The following RNF144A variants were observed in gnomAD, a reference collection of about 807,000 sequenced individuals.
RNF144A encodes the protein E3 ubiquitin-protein ligase RNF144A.
A neutral mutation model predicts 38.7 loss-of-function variants in RNF144A; 11 were observed. The ratio of observed to expected loss-of-function variants is 0.28; its 90% CI spans 0.18 to 0.47. RNF144A has a LOEUF of 0.47. Ranked by LOEUF, RNF144A falls within the 20% of genes least tolerant of loss-of-function variation. The probability of loss-of-function intolerance (pLI) is 0.99; values close to 1 mark genes in which losing one functional copy is unlikely to be tolerated. For synonymous variants in RNF144A, 149 were observed against 143.9 expected (o/e 1.04, Z -0.25); for missense variants, 316 against 377.2 (o/e 0.84, Z 1.34).
chr2:7,046,225 C>A (rs1211374230), downstream of RNF144A, among the ~76,000 whole-genome samples: 1 of 152,196 alleles, frequency 6.6e-6, no homozygotes, highest in Non-Finnish European at 1.5e-5. Context: ...TCTGTCTATA[C>A]CAGTGAGCAA....
rs1383519808 is a variant in RNF144A at position 7,033,465 on chromosome 2, G to A, written c.747+3250G>A. ...GGGTCTTGGCAGCCGCATCTTCCCT[G>A]CTCCTCCAGGCTCACTCTGAACTTT... On this transcript the variant is annotated intron_variant, in intron 8 of 8. Coordinates refer to ENST00000320892, the MANE Select transcript of RNF144A (RefSeq NM_014746.6). 2.6e-5 allele frequency among the ~76,000 whole-genome samples: 4 copies of A among 152,232 alleles called. No homozygotes were observed. In the South Asian group the frequency reaches 8.3e-4, roughly 31 times the overall value.
Position 7,040,457 on chromosome 2 carries a change from C to T in RNF144A, c.*697C>T. The T allele has an allele frequency of 1.0e-6, 1 of 985,368 alleles. No individual in the cohort carries two copies. The highest frequency in any genetic ancestry group is 4.7e-5 in the South Asian group (1 of 21,288). 61.0% of individuals were successfully genotyped at this position (985,368 alleles called of 1,614,324 possible). Reference sequence around the variant, plus strand: ...CTGTGTACTGTTATAAGTGTGCTTCCTATATTGTTGCATTTCCTTGATAAT... The same window carrying T: ...CTGTGTACTGTTATAAGTGTGCTTCTTATATTGTTGCATTTCCTTGATAAT... On this transcript the variant is annotated 3_prime_UTR_variant, in exon 9 of 9. Transcript: ENST00000320892.
intron 3 of RNF144A, among the ~76,000 whole-genome samples, chr2:7,008,263 G>T (rs958152524): frequency 1.3e-5 from 2 of 152,344 alleles, no homozygotes; most frequent in Admixed American, 6.5e-5. Context: ...CGGGTGCGTG[G>T]TCACATGTGC....
At chr2:6,990,744 C>T (rs1669313758) in intron 2 of RNF144A, among the ~76,000 whole-genome samples, 1 of 152,120 alleles carries the variant, frequency 6.6e-6, no homozygotes, top group Non-Finnish European at 1.5e-5. Context: ...GTTGCACATT[C>T]TGTGGGCTTT....
At chr2:6,979,978 C>A (rs562078586) in intron 2 of RNF144A, among the ~76,000 whole-genome samples, 117 of 152,318 alleles carry the variant, frequency 7.7e-4, no homozygotes, top group Non-Finnish European at 1.1e-3. Context: ...CAGGCACCTT[C>A]TTCACAAGGC....
intron 8 of RNF144A, among the ~76,000 whole-genome samples, chr2:7,033,940 T>A (rs1672490263): frequency 6.6e-6 from 1 of 152,206 alleles, no homozygotes; most frequent in African/African-American, 2.4e-5. Context: ...ATGGTCCTCG[T>A]GCCTTCGGCG....
chr2:7,061,981 T>C (rs1673973533), intron 6 of RNF144A, among the ~76,000 whole-genome samples: 1 of 152,222 alleles, frequency 6.6e-6, no homozygotes, highest in African/African-American at 2.4e-5. Context: ...CAAAATCCAG[T>C]TGCTTAAAAC....
chr2:6,977,182 T>C (rs1668366030), intron 2 of RNF144A, among the ~76,000 whole-genome samples: 1 of 152,276 alleles, frequency 6.6e-6, no homozygotes, highest in African/African-American at 2.4e-5. Flanking sequence ...AAATGTTCAG[T>C]TGATTTTATA....
chr2:7,060,651 G>A (rs1243496413), intron 6 of RNF144A, among the ~76,000 whole-genome samples: 7 of 152,086 alleles, frequency 4.6e-5, no homozygotes, highest in Admixed American at 2.6e-4. Flanking sequence ...TAACCACATC[G>A]TTGTCACCCT....
downstream of RNF144A, among the ~76,000 whole-genome samples, chr2:7,047,681 C>A (rs904753889): frequency 2.6e-5 from 4 of 152,154 alleles, no homozygotes; most frequent in Non-Finnish European, 5.9e-5. Flanking sequence ...ACAAAAAAGC[C>A]TTACGCTTGA....
At chr2:7,011,590 C>G (rs1670809058) in intron 3 of RNF144A, among the ~76,000 whole-genome samples, 1 of 152,172 alleles carries the variant, frequency 6.6e-6, no homozygotes. Flanking sequence ...ATAGGTAATG[C>G]AATTCACGTA....
chr2:6,935,074 T>C (rs1665481724), intron 1 of RNF144A, among the ~76,000 whole-genome samples: 1 of 149,872 alleles, frequency 6.7e-6, no homozygotes. Flanking sequence ...CCTTGAGACA[T>C]ATGCCATCAG....
chr2:7,020,554 A>C lies in RNF144A; in HGVS notation c.383A>C (p.Gln128Pro). 6.2e-7 allele frequency: 1 copy of C among 1,613,472 alleles called. No individual in the cohort carries two copies. The part of the protein sequence containing the change: ...AVCQLQDVGL[Q>P]TPQPVQCKAC... ...TGTCAGCTCCAGGACGTGGGGCTGC[A>C]GACCCCCCAGCCAGTGCAGTGCAAA... The change falls in exon 6 of 9, where the codon CAG (glutamine) becomes CCG (proline). Residue 128 changes from glutamine to proline, a missense_variant. Coordinates refer to ENST00000320892, the MANE Select transcript of RNF144A (RefSeq NM_014746.6).
the RNF144A span, among the ~76,000 whole-genome samples, chr2:7,073,386 T>G: frequency 4.3e-4 from 65 of 151,208 alleles, no homozygotes; most frequent in Middle Eastern, 3.4e-3. Flanking sequence ...ATGTTCATAT[T>G]TGTATGAAGG....
intron 6 of RNF144A, among the ~76,000 whole-genome samples, chr2:7,054,541 A>G (rs971041666): frequency 6.6e-5 from 10 of 152,222 alleles, no homozygotes; most frequent in African/African-American, 2.2e-4. Flanking sequence ...CAAATCCCTC[A>G]TAGGTGCTAG....
At chr2:7,035,281 T>G (rs1672593474) in intron 8 of RNF144A, among the ~76,000 whole-genome samples, 1 of 152,228 alleles carries the variant, frequency 6.6e-6, no homozygotes, top group Admixed American at 6.5e-5. Context: ...CCACAGCACG[T>G]GCTGAGCAGC....
intron 7 of RNF144A, among the ~76,000 whole-genome samples, chr2:7,026,024 C>G (rs1242182155): frequency 2.0e-5 from 3 of 152,132 alleles, no homozygotes; most frequent in African/African-American, 7.2e-5. Flanking sequence ...GCTTGGCACA[C>G]AATGGCTGAG....
downstream of RNF144A, among the ~76,000 whole-genome samples, chr2:7,047,538 A>G (rs373594179): frequency 1.1e-4 from 16 of 152,328 alleles, no homozygotes; most frequent in African/African-American, 3.8e-4. Flanking sequence ...ATAGCGCAGG[A>G]AAGACCAGCA....
intron 2 of RNF144A, among the ~76,000 whole-genome samples, chr2:6,984,515 G>T (rs995464127): frequency 6.6e-6 from 1 of 152,060 alleles, no homozygotes; most frequent in Non-Finnish European, 1.5e-5. Context: ...TGTTGGCCAG[G>T]CTGGTCTCGA....
Sources: gnomAD v4.1 joint callset for allele counts (sites outside exome capture counted in the v4.1 genomes callset) on GRCh38, gnomAD v4.1.1 for gene constraint, MANE v1.5 for transcripts, NCBI Gene and HGNC (gene_info 2026-07-23, HGNC 2026-07-21) for gene names.